Variants in DCDC1 observed in about 807,000 individuals in gnomAD.
The protein encoded by DCDC1 is doublecortin domain containing 1.
Under a neutral mutation model 178.3 loss-of-function variants are expected in DCDC1, and 200 were observed. The ratio of observed to expected loss-of-function variants is 1.12; its 90% CI spans 1.00 to 1.26. DCDC1 has a LOEUF of 1.26. DCDC1 is among the 50% of genes most tolerant of loss of function. The pLI, the probability that DCDC1 is intolerant of heterozygous loss-of-function variation, is 0.00. For synonymous variants in DCDC1, 690 were observed against 604.8 expected (o/e 1.14, Z -2.07); for missense variants, 1,983 against 1,749.2 (o/e 1.13, Z -2.38).
At chr11:31,050,125 C>T (rs1297125030) in intron 20 of DCDC1, among the ~76,000 whole-genome samples, 6 of 152,146 alleles carry the variant, frequency 3.9e-5, no homozygotes, top group African/African-American at 1.4e-4. Flanking sequence ...AAGTCCATCT[C>T]GCCCTCATCT....
intron 20 of DCDC1, among the ~76,000 whole-genome samples, chr11:30,960,345 TTAA>T (rs1373321849): frequency 3.3e-5 from 5 of 152,146 alleles, no homozygotes; most frequent in Non-Finnish European, 5.9e-5. Context: ...ACTTACACTG[TTAA>T]TAAACATTAA....
chr11:31,328,677 GGCA>G (rs1259423872), intron 2 of DCDC1, among the ~76,000 whole-genome samples: 20 of 151,956 alleles, frequency 1.3e-4, no homozygotes, highest in African/African-American at 4.8e-4. Context: ...GTGTGGTGGT[GGCA>G]GGTGCCTGTA....
In DCDC1 at chr11:31,227,170, G is replaced by C. The variant is rs117762387; in HGVS notation, c.1221+14280C>G. Among the ~76,000 whole-genome samples, 22 of 152,254 alleles carry C rather than the reference G, an allele frequency of 1.4e-4. No individual in the cohort carries two copies. The East Asian group carries it at 4.2e-3, about 29-fold the overall frequency. Reference sequence around the variant, plus strand: ...CATTTTTGCATTGCTATAAAGGAATGACAGAGGTTGGATAGTATATAAAGA... The same window carrying C: ...CATTTTTGCATTGCTATAAAGGAATCACAGAGGTTGGATAGTATATAAAGA... On this transcript the variant is annotated intron_variant, in intron 9 of 38. Coordinates refer to ENST00000684477, the MANE Select transcript of DCDC1 (RefSeq NM_001387274.1).
chr11:31,364,139 A>G (rs1390984819), intron 1 of DCDC1, among the ~76,000 whole-genome samples: 1 of 152,180 alleles, frequency 6.6e-6, no homozygotes, highest in Non-Finnish European at 1.5e-5. Flanking sequence ...AGCACAATTA[A>G]AGTAGGCTAT....
At chr11:31,027,544 T>C (rs1374466522) in intron 20 of DCDC1, among the ~76,000 whole-genome samples, 1 of 151,828 alleles carries the variant, frequency 6.6e-6, no homozygotes, top group East Asian at 1.9e-4. Flanking sequence ...GCAGATAATT[T>C]CAAGTAATAT....
At chr11:30,873,578 C>T (rs1055709916) in intron 38 of DCDC1, among the ~76,000 whole-genome samples, 3 of 152,156 alleles carry the variant, frequency 2.0e-5, no homozygotes, top group African/African-American at 7.2e-5. Context: ...ACTGAAATAA[C>T]GTCCTGTGGA....
intron 9 of DCDC1, among the ~76,000 whole-genome samples, chr11:31,151,346 A>C (rs929503070): frequency 2.0e-5 from 3 of 152,214 alleles, no homozygotes; most frequent in Admixed American, 6.5e-5. Flanking sequence ...TAGAGTCAAA[A>C]ATCAGAATTC....
chr11:30,905,290 G>A (rs775300127), intron 30 of DCDC1, 126 bp from the exon 31 acceptor site: 95 of 983,702 alleles, frequency 9.7e-5, no homozygotes, highest in Non-Finnish European at 1.3e-4. Context: ...CTCTCTTCAT[G>A]TTTTATAGAT....
At chr11:31,096,337 T>C (rs1565277685) in intron 15 of DCDC1, among the ~76,000 whole-genome samples, 1 of 152,172 alleles carries the variant, frequency 6.6e-6, no homozygotes, top group Non-Finnish European at 1.5e-5. Flanking sequence ...GCATTTAAAG[T>C]AGCAGTGTTA....
At chr11:31,265,787 G>T (rs889296647) in intron 7 of DCDC1, among the ~76,000 whole-genome samples, 187 bp from the exon 8 acceptor site, 8 of 150,270 alleles carry the variant, frequency 5.3e-5, no homozygotes, top group Admixed American at 5.3e-4. Flanking sequence ...TTGCATGTGT[G>T]TAAAAAAACA....
intron 20 of DCDC1, among the ~76,000 whole-genome samples, chr11:31,037,337 G>A (rs1026093835): frequency 6.6e-6 from 1 of 151,922 alleles, no homozygotes; most frequent in Non-Finnish European, 1.5e-5. Flanking sequence ...CTTGCCAGAT[G>A]TGCCCATTAG....
chr11:31,352,566 G>A (rs180985326), intron 1 of DCDC1, among the ~76,000 whole-genome samples: 5 of 152,234 alleles, frequency 3.3e-5, no homozygotes, highest in Non-Finnish European at 5.9e-5. Flanking sequence ...TATTAAGGAA[G>A]TATGACTTAA....
At chr11:31,018,256 G>T (rs975966234) in intron 20 of DCDC1, among the ~76,000 whole-genome samples, 4 of 151,986 alleles carry the variant, frequency 2.6e-5, no homozygotes, top group Non-Finnish European at 5.9e-5. Context: ...TTAATCAGAG[G>T]GTATTGAAAG....
At chr11:31,053,903 A>C (rs1455885198) in intron 20 of DCDC1, among the ~76,000 whole-genome samples, 1 of 152,206 alleles carries the variant, frequency 6.6e-6, no homozygotes, top group South Asian at 2.1e-4. Flanking sequence ...TCCATCTGAG[A>C]ACTGCAACAA....
chr11:30,948,803 T>C (rs1015360244), intron 21 of DCDC1, among the ~76,000 whole-genome samples: 7 of 152,120 alleles, frequency 4.6e-5, no homozygotes, highest in African/African-American at 1.7e-4. Context: ...GCTAGCAATA[T>C]GCAGAAAATT....
In DCDC1 at chr11:30,874,876, G is replaced by A. The variant is rs541821092; in HGVS notation, c.*40+3668C>T. Among the ~76,000 whole-genome samples the A allele has an allele frequency of 1.3e-4, 20 of 152,294 alleles. No individual in the cohort carries two copies. The South Asian group carries it at 2.7e-3, about 21-fold the overall frequency. The stretch of plus-strand genomic sequence containing the variant: ...AACAGCTCGACTGAAGCTTGTATCT[G>A]CCTGCAAGCCCACAGAGGGATACCA... On this transcript the variant is annotated intron_variant, in intron 38 of 38. Transcript: ENST00000684477.
At chr11:30,925,222 GC>G in intron 23 of DCDC1, 86 bp downstream of exon 23, 1 of 1,123,800 alleles carries the variant, frequency 8.9e-7, no homozygotes, top group Non-Finnish European at 1.3e-6. Context: ...AAAATGGTAA[GC>G]ATTTGAAGAC....
chr11:31,102,007 G>A (rs1346476087), intron 15 of DCDC1, among the ~76,000 whole-genome samples, 170 bp downstream of exon 15: 1 of 151,600 alleles, frequency 6.6e-6, no homozygotes, highest in Non-Finnish European at 1.5e-5. Flanking sequence ...AACCCAGGAG[G>A]TAGAGGCTGC....
chr11:31,213,123 C>A (rs1972902369), intron 9 of DCDC1, among the ~76,000 whole-genome samples: 1 of 127,540 alleles, frequency 7.8e-6, no homozygotes, highest in Non-Finnish European at 1.7e-5. Context: ...CTCTCTCTCT[C>A]TCTCTCTCTC....
Sources: allele counts gnomAD v4.1 joint callset (sites outside exome capture counted in the v4.1 genomes callset), GRCh38; gene constraint gnomAD v4.1.1; transcripts MANE v1.5; gene names NCBI Gene and HGNC (gene_info 2026-07-23, HGNC 2026-07-21).